RAB38: variants seen among roughly 807,000 people sequenced by gnomAD.
RAB38 encodes the protein RAB38, member RAS oncogene family, also known as ras-related protein Rab-38.
Under a neutral mutation model 18.4 loss-of-function variants are expected in RAB38, and 15 were observed. The observed-to-expected ratio is 0.82, with a 90% CI of 0.55 to 1.26. The LOEUF (loss-of-function observed/expected upper bound fraction) is 1.26. RAB38 is among the 50% of genes most tolerant of loss of function. RAB38 has a pLI of 0.00. For synonymous variants in RAB38, 101 were observed against 104.4 expected (o/e 0.97, Z 0.20); for missense variants, 294 against 267.4 (o/e 1.10, Z -0.69).
the RAB38 span, among the ~76,000 whole-genome samples, chr11:88,090,335 G>A: frequency 2.0e-5 from 3 of 151,922 alleles, no homozygotes; most frequent in Non-Finnish European, 2.9e-5. Context: ...GGTGAGTCCT[G>A]TGGTATGCCA....
At chr11:88,053,246 CA>C in the RAB38 span, among the ~76,000 whole-genome samples, 1 of 122,358 alleles carries the variant, frequency 8.2e-6, no homozygotes, top group Non-Finnish European at 1.6e-5. Context: ...TATATACACA[CA>C]TATATATGGA....
chr11:87,881,558 T>G, the RAB38 span, among the ~76,000 whole-genome samples: 2 of 151,922 alleles, frequency 1.3e-5, no homozygotes, highest in African/African-American at 4.8e-5. Context: ...TGTTTCATTA[T>G]TATAAAACTA....
chr11:87,810,352 C>T, the RAB38 span, among the ~76,000 whole-genome samples: 4 of 152,016 alleles, frequency 2.6e-5, no homozygotes, highest in Non-Finnish European at 2.9e-5. Context: ...TCCTGAGTAG[C>T]GGGGACTATA....
chr11:87,977,579 T>C, the RAB38 span, among the ~76,000 whole-genome samples: 1 of 118,052 alleles, frequency 8.5e-6, no homozygotes, highest in Non-Finnish European at 1.6e-5. Flanking sequence ...TTATGTAACA[T>C]AATTTTATAA....
the RAB38 span, among the ~76,000 whole-genome samples, chr11:87,969,725 T>C: frequency 6.6e-6 from 1 of 152,174 alleles, no homozygotes; most frequent in Non-Finnish European, 1.5e-5. Context: ...AACACATATC[T>C]TACTTTCTGT....
the RAB38 span, among the ~76,000 whole-genome samples, chr11:87,947,379 G>T: frequency 6.6e-6 from 1 of 151,996 alleles, no homozygotes; most frequent in Admixed American, 6.6e-5. Context: ...CTGTGCAGAA[G>T]CTCTTTAGTT....
At chr11:88,144,514 A>C (rs1411150358) in intron 2 of RAB38, among the ~76,000 whole-genome samples, 1 of 152,260 alleles carries the variant, frequency 6.6e-6, no homozygotes, top group Non-Finnish European at 1.5e-5. Flanking sequence ...CTACACTGTG[A>C]AACATCCGTT....
the RAB38 span, among the ~76,000 whole-genome samples, chr11:88,006,045 G>A: frequency 6.6e-6 from 1 of 151,300 alleles, no homozygotes; most frequent in Admixed American, 6.6e-5. Context: ...TCTGATAAGA[G>A]GCTAACATCT....
At chr11:88,069,855 C>T in the RAB38 span, among the ~76,000 whole-genome samples, 2 of 151,250 alleles carry the variant, frequency 1.3e-5, no homozygotes, top group Non-Finnish European at 2.9e-5. Context: ...ACTTGGAGAA[C>T]TTATACCTCT....
chr11:87,865,137 G>A, the RAB38 span, among the ~76,000 whole-genome samples: 2 of 151,748 alleles, frequency 1.3e-5, no homozygotes, highest in South Asian at 4.2e-4. Context: ...GGGGAAAAGG[G>A]AAGATGAACT....
chr11:88,087,791 G>A, the RAB38 span, among the ~76,000 whole-genome samples: 13 of 152,060 alleles, frequency 8.5e-5, no homozygotes, highest in Non-Finnish European at 1.8e-4. Flanking sequence ...TGAACAATGA[G>A]AGTACCTAGG....
At chr11:88,109,631 G>C (rs1942447598), downstream of RAB38, among the ~76,000 whole-genome samples, 1 of 152,082 alleles carries the variant, frequency 6.6e-6, no homozygotes, top group African/African-American at 2.4e-5. Flanking sequence ...ATCTGACAAA[G>C]GGTTAATATT....
the RAB38 span, among the ~76,000 whole-genome samples, chr11:87,888,319 A>G: frequency 6.6e-6 from 1 of 152,062 alleles, no homozygotes; most frequent in African/African-American, 2.4e-5. Flanking sequence ...CACAATGTGG[A>G]AAAAAATGTG....
At chr11:87,904,700 C>G in the RAB38 span, among the ~76,000 whole-genome samples, 15 of 132,614 alleles carry the variant, frequency 1.1e-4, no homozygotes, top group South Asian at 3.0e-3. Flanking sequence ...TTCCCTCCAA[C>G]AGTGTATAAG....
At chr11:87,827,586 A>C in the RAB38 span, among the ~76,000 whole-genome samples, 1 of 152,156 alleles carries the variant, frequency 6.6e-6, no homozygotes, top group Non-Finnish European at 1.5e-5. Flanking sequence ...TGATTTAGGA[A>C]GAATATTAAT....
chr11:88,058,994 A>C, the RAB38 span, among the ~76,000 whole-genome samples: 1 of 152,212 alleles, frequency 6.6e-6, no homozygotes, highest in Non-Finnish European at 1.5e-5. Context: ...GGATGCTCCA[A>C]GGGATTCCCT....
At chr11:88,046,091 C>T in the RAB38 span, among the ~76,000 whole-genome samples, 1 of 152,110 alleles carries the variant, frequency 6.6e-6, no homozygotes, top group African/African-American at 2.4e-5. Context: ...TATAGGACAC[C>T]TCTACTCCCT....
At chr11:88,022,574 G>A in the RAB38 span, among the ~76,000 whole-genome samples, 2 of 111,262 alleles carry the variant, frequency 1.8e-5, no homozygotes, top group African/African-American at 3.4e-5. Context: ...ATTTGCAGAT[G>A]ACATGATTCT....
intron 2 of RAB38, among the ~76,000 whole-genome samples, chr11:88,119,405 A>G (rs912640586): frequency 6.6e-6 from 1 of 152,244 alleles, no homozygotes; most frequent in Non-Finnish European, 1.5e-5. Context: ...TTCTACACTT[A>G]AAATGTACAG....
Sources: gnomAD v4.1 joint callset for allele counts (sites outside exome capture counted in the v4.1 genomes callset) on GRCh38, gnomAD v4.1.1 for gene constraint, MANE v1.5 for transcripts, NCBI Gene and HGNC (gene_info 2026-07-23, HGNC 2026-07-21) for gene names.